CUL5: variants seen among roughly 807,000 people sequenced by gnomAD.
The protein encoded by CUL5 is cullin-5.
A neutral mutation model predicts 108.8 loss-of-function variants in CUL5; 26 were observed. The ratio of observed to expected loss-of-function variants is 0.24; its 90% CI spans 0.18 to 0.33. The LOEUF is 0.33. Ranked by LOEUF, CUL5 falls within the 10% of genes least tolerant of loss-of-function variation. CUL5 has a pLI of 1.00. For missense variants in CUL5, 524 were observed against 909.2 expected, an observed-to-expected ratio of 0.58 and a Z score of 5.45; for synonymous variants, 334 against 298.0, an observed-to-expected ratio of 1.12 and a Z score of -1.25.
intron 5 of CUL5, among the ~76,000 whole-genome samples, chr11:108,053,880 T>G: frequency 6.6e-6 from 1 of 151,348 alleles, no homozygotes; most frequent in South Asian, 2.1e-4. Context: ...TGAGACAGAG[T>G]CTCACTCTGT....
At chr11:108,046,213 G>A (rs1863063861) in intron 2 of CUL5, 57 bp from the exon 3 acceptor site, 1 of 1,199,450 alleles carries the variant, frequency 8.3e-7, no homozygotes, top group Non-Finnish European at 1.2e-6. Context: ...AATTTAAGAT[G>A]TTTTGTTCAG....
At chr11:108,069,272 T>G (rs1863764830) in intron 7 of CUL5, among the ~76,000 whole-genome samples, 1 of 152,046 alleles carries the variant, frequency 6.6e-6, no homozygotes, top group Admixed American at 6.6e-5. Context: ...CTCTGTCTCT[T>G]AAACAAACAA....
chr11:108,053,008 T>G (rs866833026), intron 5 of CUL5, among the ~76,000 whole-genome samples: 17 of 152,236 alleles, frequency 1.1e-4, no homozygotes, highest in African/African-American at 4.1e-4. Flanking sequence ...ATTTTCTTCA[T>G]GCCATTAATT....
At chr11:108,081,584 C>G (rs1335398463) in intron 11 of CUL5, among the ~76,000 whole-genome samples, 2 of 151,984 alleles carry the variant, frequency 1.3e-5, no homozygotes, top group Non-Finnish European at 2.9e-5. Context: ...AACCCTGTCT[C>G]TACTAAAAAT....
intron 2 of CUL5, among the ~76,000 whole-genome samples, chr11:108,034,752 G>T (rs1318806261): frequency 6.6e-6 from 1 of 152,172 alleles, no homozygotes; most frequent in Non-Finnish European, 1.5e-5. Context: ...AATAAAATCA[G>T]TGTATCCCTT....
At chr11:108,064,659 A>C (rs1319789639) in intron 7 of CUL5, among the ~76,000 whole-genome samples, 3 of 152,148 alleles carry the variant, frequency 2.0e-5, no homozygotes, top group Admixed American at 2.0e-4. Context: ...GCAGTGAGCC[A>C]AGATCATGCC....
At chr11:108,017,248 G>T (rs991646299) in intron 1 of CUL5, among the ~76,000 whole-genome samples, 3 of 151,934 alleles carry the variant, frequency 2.0e-5, no homozygotes, top group Non-Finnish European at 2.9e-5. Context: ...TAAATACCTG[G>T]GGGTGGTGGT....
chr11:108,028,542 G>T (rs910271936), intron 1 of CUL5, among the ~76,000 whole-genome samples: 3 of 152,046 alleles, frequency 2.0e-5, no homozygotes, highest in African/African-American at 7.2e-5. Context: ...ATGTAAATAA[G>T]ATTATGACAC....
intron 18 of CUL5, among the ~76,000 whole-genome samples, chr11:108,101,472 C>T (rs982282625): frequency 1.3e-5 from 2 of 152,222 alleles, no homozygotes; most frequent in African/African-American, 4.8e-5. Flanking sequence ...TGCTCTCTTT[C>T]CCCTGCTCTT....
At chr11:108,070,310 G>C in intron 8 of CUL5, 121 bp downstream of exon 8, 1 of 638,986 alleles carries the variant, frequency 1.6e-6, no homozygotes. Context: ...AACTGTTAGA[G>C]TGAACTATAC....
At chr11:108,041,922 A>G (rs566115114) in intron 2 of CUL5, among the ~76,000 whole-genome samples, 75 of 152,276 alleles carry the variant, frequency 4.9e-4, no homozygotes, top group Non-Finnish European at 8.4e-4. Flanking sequence ...TTCTTAAACT[A>G]ACACCAGTCA....
rs552793880 is a variant in CUL5 at position 108,043,978 on chromosome 11, G to A, written c.135-2292G>A. Among the ~76,000 whole-genome samples, 4 of 152,104 alleles carry A rather than the reference G, an allele frequency of 2.6e-5. No homozygotes were observed. The South Asian group carries it at 8.3e-4, about 32-fold the overall frequency. On this transcript the variant is annotated intron_variant, in intron 2 of 18. Coordinates refer to ENST00000393094, the MANE Select transcript of CUL5 (RefSeq NM_003478.6). ...GCGGAGGTTGCAGTGAGCCAAGGTG[G>A]CGCCATTGCACTTCAGCCTGGGCAA...
At position 108,104,543 on chromosome 11, in the gene CUL5, A is replaced by G. The variant is rs947619627; in HGVS notation, c.*159A>G. 6 of 500,714 alleles carry G rather than the reference A, an allele frequency of 1.2e-5. No individual in the cohort carries two copies. The highest frequency in any genetic ancestry group is 2.1e-5 in the Non-Finnish European group (6 of 286,552). The allele number at this position is 500,714 out of a possible 1,614,324, so 31.0% of individuals were successfully genotyped here. On this transcript the variant is annotated 3_prime_UTR_variant, in exon 19 of 19. Transcript: ENST00000393094. ...AAAACAACTATATTTTGCCAATCAC[A>G]TTAGTTAGCATGATGGCATTCCCTT...
At chr11:108,084,274 G>A (rs997115001) in intron 11 of CUL5, among the ~76,000 whole-genome samples, 1 of 152,214 alleles carries the variant, frequency 6.6e-6, no homozygotes, top group Non-Finnish European at 1.5e-5. Context: ...CAGCTATGAC[G>A]AAGGATTGAA....
chr11:108,072,629 G>A (rs1316357209), intron 9 of CUL5, among the ~76,000 whole-genome samples, 167 bp downstream of exon 9: 2 of 152,104 alleles, frequency 1.3e-5, no homozygotes, highest in Non-Finnish European at 2.9e-5. Context: ...AAGTTTTGGT[G>A]TTCTATTACC....
intron 2 of CUL5, among the ~76,000 whole-genome samples, chr11:108,038,071 ACTT>A (rs1290393134): frequency 6.6e-6 from 1 of 152,188 alleles, no homozygotes; most frequent in Non-Finnish European, 1.5e-5. Flanking sequence ...ATTAACTTAT[ACTT>A]CTTGCCTTTG....
intron 4 of CUL5, among the ~76,000 whole-genome samples, chr11:108,050,355 A>G (rs752984855): frequency 1.5e-4 from 21 of 143,622 alleles, no homozygotes; most frequent in Non-Finnish European, 3.0e-4. Flanking sequence ...TTATTTCTCT[A>G]TTCTTTCTTT....
intron 1 of CUL5, among the ~76,000 whole-genome samples, chr11:108,010,362 T>C (rs12803043): frequency 0.19 from 29,429 of 152,170 alleles, 3,075 homozygotes; most frequent in Non-Finnish European, 0.23. Context: ...TAATAGAAAA[T>C]ATACAGGAAC....
At chr11:108,039,066 G>C (rs1484525454) in intron 2 of CUL5, among the ~76,000 whole-genome samples, 3 of 151,560 alleles carry the variant, frequency 2.0e-5, no homozygotes, top group Non-Finnish European at 4.4e-5. Flanking sequence ...TGTTGCCCAG[G>C]CTGGAGTGCA....
Sources: allele counts gnomAD v4.1 joint callset (sites outside exome capture counted in the v4.1 genomes callset), GRCh38; gene constraint gnomAD v4.1.1; transcripts MANE v1.5; gene names NCBI Gene and HGNC (gene_info 2026-07-23, HGNC 2026-07-21).